Variants in CNOT4 observed in about 807,000 individuals in gnomAD.
CNOT4 encodes the protein CCR4-associated factor 4.
CNOT4 carries 8 observed loss-of-function variants against 73.8 expected under a neutral mutation model. That is an observed-to-expected ratio of 0.11 (90% CI 0.06 to 0.20). The LOEUF is 0.20. Ranked by LOEUF, CNOT4 falls within the 10% of genes least tolerant of loss-of-function variation. The pLI is 1.00. For synonymous variants in CNOT4, 293 were observed against 321.1 expected (o/e 0.91, Z 0.94); for missense variants, 564 against 883.4 (o/e 0.64, Z 4.58).
chr7:135,497,432 T>C (rs898391654), intron 1 of CNOT4, among the ~76,000 whole-genome samples: 1 of 152,022 alleles, frequency 6.6e-6, no homozygotes, highest in African/African-American at 2.4e-5. Flanking sequence ...AAGACTCTGA[T>C]AGTCTCTTTT....
chr7:135,448,344 AC>A (rs1799955416), intron 1 of CNOT4, among the ~76,000 whole-genome samples: 1 of 152,066 alleles, frequency 6.6e-6, no homozygotes. Flanking sequence ...GGAGTTCGAG[AC>A]CAGCCTGGCC....
chr7:135,447,815 G>A (rs996923161), intron 1 of CNOT4, among the ~76,000 whole-genome samples: 5 of 152,188 alleles, frequency 3.3e-5, no homozygotes, highest in Non-Finnish European at 5.9e-5. Context: ...GCTGGGATGC[G>A]CCCCTCTGGG....
chr7:135,499,333 T>C (rs3812296), intron 1 of CNOT4, among the ~76,000 whole-genome samples: 3,392 of 151,860 alleles, frequency 0.022, 124 homozygotes, highest in African/African-American at 0.07. Flanking sequence ...AAAAAAACAA[T>C]GCCATCAATG....
intron 10 of CNOT4, among the ~76,000 whole-genome samples, chr7:135,378,483 G>A (rs946540871): frequency 2.0e-5 from 3 of 150,140 alleles, no homozygotes; most frequent in Admixed American, 6.6e-5. Context: ...CAGCCTGGGC[G>A]AGAGTGTCTC....
chr7:135,438,053 C>G (rs1298640727), intron 2 of CNOT4, 105 bp downstream of exon 2: 1 of 592,556 alleles, frequency 1.7e-6, no homozygotes, highest in East Asian at 2.8e-5. Flanking sequence ...ATAATATAAT[C>G]AGGTGAGGTT....
intron 2 of CNOT4, among the ~76,000 whole-genome samples, chr7:135,431,972 A>C (rs1312888906): frequency 6.6e-6 from 1 of 152,222 alleles, no homozygotes; most frequent in Non-Finnish European, 1.5e-5. Flanking sequence ...CTCCATCAAA[A>C]TCCCAGTAGG....
rs1799284352 is a variant in CNOT4 at position 135,438,417 on chromosome 7, T to G, written c.-86A>C. The G allele has an allele frequency of 9.3e-7, 1 of 1,079,016 alleles. No homozygotes were observed. The highest frequency in any genetic ancestry group is 1.3e-6 in the Non-Finnish European group (1 of 776,734). The allele number at this position is 1,079,016 out of a possible 1,614,324, so 66.8% of individuals were successfully genotyped here. On this transcript the variant is annotated 5_prime_UTR_variant, in exon 2 of 12. Transcript: ENST00000541284. ...CACTGAAAGCTAAAATGTAGGACTTTGACGACCTGCATGAGAAGAAACAAA... is the reference window on the plus strand; with the variant it reads ...CACTGAAAGCTAAAATGTAGGACTTGGACGACCTGCATGAGAAGAAACAAA...
Position 135,454,385 on chromosome 7 carries a change from A to T in CNOT4, c.-92-15962T>A, listed in dbSNP as rs74845462. On this transcript the variant is annotated intron_variant, in intron 1 of 11. Coordinates refer to ENST00000541284, the MANE Select transcript of CNOT4 (RefSeq NM_001190850.2). ...AGAATAAAACAAGGCCGGGCACAGC[A>T]ACTCATTCCTGTAATCTCAGCACTC... is the stretch of plus-strand genomic sequence containing the variant. Among the ~76,000 whole-genome samples the T allele has an allele frequency of 2.3e-3, 343 of 152,092 alleles. 13 individuals are homozygous for T. In the East Asian group the frequency reaches 0.055, roughly 24 times the overall value.
chr7:135,405,576 C>A (rs893487426), intron 7 of CNOT4, among the ~76,000 whole-genome samples: 2 of 152,186 alleles, frequency 1.3e-5, no homozygotes, highest in East Asian at 1.9e-4. Context: ...TTGTATTCAT[C>A]ATTTCAAAGC....
intron 1 of CNOT4, among the ~76,000 whole-genome samples, chr7:135,501,336 G>A (rs868614759): frequency 1.3e-4 from 19 of 151,998 alleles, no homozygotes; most frequent in East Asian, 9.7e-4. Flanking sequence ...CACTTTCTTC[G>A]CAAAAGCTGG....
chr7:135,371,408 A>G (rs1339254412), intron 10 of CNOT4, among the ~76,000 whole-genome samples: 3 of 152,252 alleles, frequency 2.0e-5, no homozygotes, highest in East Asian at 3.8e-4. Context: ...AAGGAAGTGA[A>G]TAATTCTTGC....
At chr7:135,427,862 C>T (rs1798592746) in intron 2 of CNOT4, among the ~76,000 whole-genome samples, 1 of 152,028 alleles carries the variant, frequency 6.6e-6, no homozygotes, top group South Asian at 2.1e-4. Context: ...AACAGAAAAT[C>T]TGATTAACAA....
chr7:135,494,110 G>A (rs1185951740), intron 1 of CNOT4, among the ~76,000 whole-genome samples: 1 of 150,790 alleles, frequency 6.6e-6, no homozygotes, highest in Non-Finnish European at 1.5e-5. Context: ...AGAAAAAGGA[G>A]GAAGTCTTTG....
chr7:135,398,332 A>C (rs1796815275), intron 7 of CNOT4, 106 bp from the exon 8 acceptor site: 1 of 665,632 alleles, frequency 1.5e-6, no homozygotes, highest in Admixed American at 2.9e-5. Flanking sequence ...CCATCTTAAC[A>C]AATGTTTATT....
intron 3 of CNOT4, among the ~76,000 whole-genome samples, chr7:135,416,452 T>G (rs952555233): frequency 6.6e-6 from 1 of 152,152 alleles, no homozygotes; most frequent in African/African-American, 2.4e-5. Flanking sequence ...ACACTGAGTT[T>G]CAATCTCTTT....
intron 4 of CNOT4, among the ~76,000 whole-genome samples, chr7:135,414,884 A>C (rs1797772088): frequency 6.6e-6 from 1 of 152,116 alleles, no homozygotes; most frequent in Non-Finnish European, 1.5e-5. Flanking sequence ...CAGATTAGAA[A>C]TCACTATCGA....
chr7:135,421,980 A>G lies in CNOT4; in HGVS notation c.372+176T>C, dbSNP rs540275890. On this transcript the variant is annotated intron_variant, in intron 3 of 11. Coordinates refer to ENST00000541284, the MANE Select transcript of CNOT4 (RefSeq NM_001190850.2). ...CCAAGAAAGATTAAGACACTTGCCT[A>G]AGATCACGACTGGTCATTGGTTTCT... Among the ~76,000 whole-genome samples, 20 of 152,360 alleles carry G rather than the reference A, an allele frequency of 1.3e-4. 1 individual carries two copies. The South Asian group carries it at 3.9e-3, about 30-fold the overall frequency.
At chr7:135,460,876 G>A (rs994318120) in intron 1 of CNOT4, among the ~76,000 whole-genome samples, 1 of 152,176 alleles carries the variant, frequency 6.6e-6, no homozygotes, top group Non-Finnish European at 1.5e-5. Context: ...ACCATGTAGA[G>A]CTTTCTTCAG....
chr7:135,457,872 A>G (rs1189009854), intron 1 of CNOT4, among the ~76,000 whole-genome samples: 1 of 152,132 alleles, frequency 6.6e-6, no homozygotes, highest in Non-Finnish European at 1.5e-5. Flanking sequence ...ATCTTACTGC[A>G]TACAGTTCTG....
Sources: allele counts gnomAD v4.1 joint callset (sites outside exome capture counted in the v4.1 genomes callset), GRCh38; gene constraint gnomAD v4.1.1; transcripts MANE v1.5; gene names NCBI Gene and HGNC (gene_info 2026-07-23, HGNC 2026-07-21).